WWOX: variants seen among roughly 807,000 people sequenced by gnomAD.
WWOX encodes WW domain-containing oxidoreductase.
Under a neutral mutation model 46.2 loss-of-function variants are expected in WWOX, and 69 were observed. The ratio of observed to expected loss-of-function variants is 1.49; its 90% CI spans 1.23 to 1.82. WWOX has a LOEUF of 1.82. Ranked by LOEUF, WWOX falls within the 40% of genes most tolerant of loss-of-function variation. WWOX has a pLI of 0.00. For missense variants in WWOX, 919 were observed against 542.6 expected, an observed-to-expected ratio of 1.69 and a Z score of -6.89; for synonymous variants, 359 against 202.6, an observed-to-expected ratio of 1.77 and a Z score of -6.56.
rs368899136 is a variant in WWOX at position 78,915,890 on chromosome 16, A to G, written c.1057-295718A>G. Among the ~76,000 whole-genome samples the G allele has an allele frequency of 3.2e-3, 488 of 152,344 alleles. 2 individuals are homozygous for G. The highest frequency in any genetic ancestry group is 0.011 in the African/African-American group (471 of 41,576). The stretch of plus-strand genomic sequence containing the variant: ...AACGCTCAAAGAAGAAAAATAGAAG[A>G]AGCCTGAATTTTAATTTGCTATTTC... On this transcript the variant is annotated intron_variant, in intron 8 of 8. Coordinates refer to ENST00000566780, the MANE Select transcript of WWOX (RefSeq NM_016373.4).
chr16:79,127,711 C>T (rs937813443), intron 8 of WWOX, among the ~76,000 whole-genome samples: 2 of 152,008 alleles, frequency 1.3e-5, no homozygotes, highest in African/African-American at 4.8e-5. Flanking sequence ...GGAGGTTGTT[C>T]TGATTTACAT....
At chr16:79,039,736 G>C (rs1159248350) in intron 8 of WWOX, among the ~76,000 whole-genome samples, 1 of 152,178 alleles carries the variant, frequency 6.6e-6, no homozygotes, top group East Asian at 1.9e-4. Flanking sequence ...GGAGAGCCTG[G>C]GGTCTTAGTT....
chr16:79,083,930 C>A (rs530905563), intron 8 of WWOX, among the ~76,000 whole-genome samples: 7 of 152,160 alleles, frequency 4.6e-5, no homozygotes, highest in Non-Finnish European at 1.0e-4. Context: ...TTTATGAGGT[C>A]GTGCTTTGCA....
chr16:78,444,626 G>T (rs947972157), intron 8 of WWOX, among the ~76,000 whole-genome samples: 2 of 151,702 alleles, frequency 1.3e-5, no homozygotes, highest in African/African-American at 4.8e-5. Flanking sequence ...TGCCTCCCGG[G>T]TTCAAGCAAT....
At chr16:78,383,148 C>G (rs187450304) in intron 5 of WWOX, among the ~76,000 whole-genome samples, 1 of 151,590 alleles carries the variant, frequency 6.6e-6, no homozygotes, top group Non-Finnish European at 1.5e-5. Flanking sequence ...CCAGGCCCCA[C>G]CTCCAGTATT....
chr16:78,276,953 T>C lies in WWOX; in HGVS notation c.517-109907T>C, dbSNP rs145772065. ...CGTTGTGTGAAAAGGACTCATTTTA[T>C]AACATTACATATTCATGGCTTGGGA... is the stretch of plus-strand genomic sequence containing the variant. On this transcript the variant is annotated intron_variant, in intron 5 of 8. Coordinates refer to ENST00000566780, the MANE Select transcript of WWOX (RefSeq NM_016373.4). Among the ~76,000 whole-genome samples the C allele has an allele frequency of 2.5e-3, 380 of 152,332 alleles. 4 individuals are homozygous for C. Among genetic ancestry groups the C allele is most frequent in the African/African-American group, 8.8e-3 (367 of 41,566 alleles).
chr16:78,334,647 C>T (rs773009328), intron 5 of WWOX, among the ~76,000 whole-genome samples: 19 of 151,774 alleles, frequency 1.3e-4, no homozygotes, highest in South Asian at 6.2e-4. Flanking sequence ...TATTATAAAT[C>T]CAAGAATTAA....
chr16:78,443,600 GA>G (rs1416215324), intron 8 of WWOX, among the ~76,000 whole-genome samples: 1 of 152,142 alleles, frequency 6.6e-6, no homozygotes, highest in Non-Finnish European at 1.5e-5. Context: ...CTTTGTTCCT[GA>G]ATGAGCACCC....
intron 8 of WWOX, among the ~76,000 whole-genome samples, chr16:79,086,668 T>G (rs945539084): frequency 6.6e-6 from 1 of 151,880 alleles, no homozygotes; most frequent in Non-Finnish European, 1.5e-5. Flanking sequence ...ATCACTAGAG[T>G]CCAGGAGTTT....
At position 78,918,115 on chromosome 16, in the gene WWOX, TAGG is replaced by T. The variant is rs2045294897; in HGVS notation, c.1057-293489_1057-293487del. ...TACTCAGGAGGCTGAGGTGGGAGGA[TAGG>T]AGGCTGAGGTGGGAGGATCACTTGA... On this transcript the variant is annotated intron_variant, in intron 8 of 8. Coordinates refer to ENST00000566780, the MANE Select transcript of WWOX (RefSeq NM_016373.4). Among the ~76,000 whole-genome samples the T allele has an allele frequency of 4.6e-5, 7 of 151,878 alleles. No homozygotes were observed. In the South Asian group the frequency reaches 1.5e-3, roughly 32 times the overall value.
intron 8 of WWOX, among the ~76,000 whole-genome samples, chr16:78,979,323 T>C: frequency 6.6e-6 from 1 of 152,206 alleles, no homozygotes; most frequent in East Asian, 1.9e-4. Context: ...TAGTTTTTTT[T>C]CTATCATATT....
chr16:78,128,901 A>C (rs1001627703), intron 4 of WWOX, among the ~76,000 whole-genome samples: 1 of 152,244 alleles, frequency 6.6e-6, no homozygotes, highest in Non-Finnish European at 1.5e-5. Context: ...TCATCAGTAC[A>C]TTCCAAATGG....
At chr16:78,432,323 C>G (rs1485194245) in intron 7 of WWOX, among the ~76,000 whole-genome samples, 165 bp from the exon 8 acceptor site, 1 of 152,056 alleles carries the variant, frequency 6.6e-6, no homozygotes, top group Non-Finnish European at 1.5e-5. Flanking sequence ...CCAGGCTGGT[C>G]TTGAACTCCC....
chr16:79,107,156 G>A (rs950629735), intron 8 of WWOX, among the ~76,000 whole-genome samples: 6 of 152,088 alleles, frequency 3.9e-5, no homozygotes, highest in Admixed American at 2.6e-4. Context: ...GCCCAGGTTG[G>A]TCTTCAACTC....
intron 8 of WWOX, among the ~76,000 whole-genome samples, chr16:79,042,524 T>A (rs1290064067): frequency 6.6e-6 from 1 of 151,712 alleles, no homozygotes; most frequent in Non-Finnish European, 1.5e-5. Flanking sequence ...TGTCTCAAAT[T>A]ACTTACTCAA....
chr16:78,371,585 C>A (rs921839389), intron 5 of WWOX, among the ~76,000 whole-genome samples: 11 of 152,036 alleles, frequency 7.2e-5, no homozygotes, highest in African/African-American at 2.7e-4. Flanking sequence ...TTAAATCCAT[C>A]TTTTTGTTTA....
intron 8 of WWOX, chr16:79,205,350 C>G (rs1426490825): frequency 6.6e-6 from 1 of 152,228 alleles, no homozygotes; most frequent in East Asian, 1.9e-4. Flanking sequence ...ATGGGAGAGG[C>G]AACTGAAAAG....
intron 8 of WWOX, among the ~76,000 whole-genome samples, chr16:78,577,316 A>C (rs917374485): frequency 6.6e-6 from 1 of 152,174 alleles, no homozygotes. Flanking sequence ...TGCAGGGCAA[A>C]TATATGTTTA....
At chr16:78,789,879 G>A (rs2050550368) in intron 8 of WWOX, among the ~76,000 whole-genome samples, 1 of 152,008 alleles carries the variant, frequency 6.6e-6, no homozygotes, top group African/African-American at 2.4e-5. Context: ...TAGGATCTTG[G>A]GCTTCCAAAT....
Sources: gnomAD v4.1 joint callset for allele counts (sites outside exome capture counted in the v4.1 genomes callset) on GRCh38, gnomAD v4.1.1 for gene constraint, MANE v1.5 for transcripts, NCBI Gene and HGNC (gene_info 2026-07-23, HGNC 2026-07-21) for gene names.